EDNRA: variants seen among roughly 807,000 people sequenced by gnomAD.
EDNRA encodes endothelin receptor type A, also known as endothelin-1 receptor.
In EDNRA, 11 loss-of-function variants were observed where a neutral mutation model predicts 41.4. The observed-to-expected ratio is 0.27, with a 90% CI of 0.17 to 0.44. The LOEUF (loss-of-function observed/expected upper bound fraction) is 0.44, where lower values mean the gene tolerates loss of function less well. Among genes scored for constraint, EDNRA ranks in the 20% least tolerant of loss-of-function variants. The pLI, the probability that EDNRA is intolerant of heterozygous loss-of-function variation, is 1.00. For synonymous variants in EDNRA, 172 were observed against 183.0 expected, an observed-to-expected ratio of 0.94 and a Z score of 0.49; for missense variants, 294 against 531.0, an observed-to-expected ratio of 0.55 and a Z score of 4.39.
At chr4:147,520,453 T>C (rs764597964) in intron 3 of EDNRA, 4 of 518,844 alleles carry the variant, frequency 7.7e-6, no homozygotes, top group Non-Finnish European at 1.5e-5. Flanking sequence ...TTAAAAAGAG[T>C]GCAACACCAG....
chr4:147,483,317 T>C (rs1467118331), intron 1 of EDNRA, among the ~76,000 whole-genome samples: 2 of 152,242 alleles, frequency 1.3e-5, no homozygotes, highest in Admixed American at 1.3e-4. Context: ...AGCAAAATTA[T>C]GTGTCCTGCC....
chr4:147,497,665 A>G (rs1207257570), intron 2 of EDNRA, among the ~76,000 whole-genome samples: 14 of 151,686 alleles, frequency 9.2e-5, no homozygotes, highest in Non-Finnish European at 1.8e-4. Context: ...TCCGCCTCCC[A>G]GGTTCACACC....
chr4:147,527,279 CA>C (rs1261815177), intron 3 of EDNRA, among the ~76,000 whole-genome samples: 1 of 151,956 alleles, frequency 6.6e-6, no homozygotes, highest in Admixed American at 6.6e-5. Context: ...ATTATGTGTA[CA>C]AACAAGCTTA....
intron 3 of EDNRA, among the ~76,000 whole-genome samples, chr4:147,523,461 G>GTTTT (rs796601293): frequency 2.3e-5 from 3 of 131,020 alleles, no homozygotes; most frequent in African/African-American, 1.0e-4. Flanking sequence ...TTGGGTGTTT[G>GTTTT]TTTTTTTTTG....
At chr4:147,518,895 A>G (rs1730213755) in intron 2 of EDNRA, among the ~76,000 whole-genome samples, 1 of 152,186 alleles carries the variant, frequency 6.6e-6, no homozygotes, top group South Asian at 2.1e-4. Context: ...TTCAGCAGGA[A>G]CTTCCTTCCC....
At chr4:147,491,297 T>C (rs1373561747) in intron 2 of EDNRA, 1 of 152,198 alleles carries the variant, frequency 6.6e-6, no homozygotes, top group Non-Finnish European at 1.5e-5. Context: ...TAGAGCCAGT[T>C]ATCTCCATGT....
At chr4:147,487,383 A>C (rs1728983482) in intron 2 of EDNRA, among the ~76,000 whole-genome samples, 1 of 152,196 alleles carries the variant, frequency 6.6e-6, no homozygotes, top group African/African-American at 2.4e-5. Context: ...GATATACTAA[A>C]ATTCAAATGA....
chr4:147,512,868 C>T (rs1729973644), intron 2 of EDNRA, among the ~76,000 whole-genome samples: 1 of 152,172 alleles, frequency 6.6e-6, no homozygotes, highest in South Asian at 2.1e-4. Context: ...CACCACCCTG[C>T]ACCTGGTGAC....
At chr4:147,520,613 T>C (rs760206184) in intron 3 of EDNRA, among the ~76,000 whole-genome samples, 4 of 152,270 alleles carry the variant, frequency 2.6e-5, no homozygotes, top group African/African-American at 7.2e-5. Context: ...CTGGTTTTCA[T>C]AGCAGCAATT....
chr4:147,540,519 A>G lies in EDNRA; in HGVS notation c.1143+34A>G, dbSNP rs200453250. 3.1e-5 allele frequency: 46 copies of G among 1,470,020 alleles called. 1 individual carries two copies. The highest frequency in any genetic ancestry group is 1.8e-4 in the Middle Eastern group (1 of 5,518). 91.1% of individuals were successfully genotyped at this position (1,470,020 alleles called of 1,614,324 possible). On this transcript the variant is annotated intron_variant, in intron 7 of 7. Transcript: ENST00000651419. The stretch of plus-strand genomic sequence containing the variant: ...ATTTTTCAAGTATTTTTTAAAGACA[A>G]CAAAATGAGTATATTAAACAGTCAA...
chr4:147,508,436 G>T (rs1204847075), intron 2 of EDNRA, among the ~76,000 whole-genome samples: 1 of 152,174 alleles, frequency 6.6e-6, no homozygotes, highest in Non-Finnish European at 1.5e-5. Flanking sequence ...ACCATGCCCA[G>T]CCTGAAGAGC....
chr4:147,506,607 A>G, intron 2 of EDNRA: 1 of 301,078 alleles, frequency 3.3e-6, no homozygotes, highest in South Asian at 4.1e-5. Context: ...AAATATCAAT[A>G]TTATCATCTT....
chr4:147,493,186 T>C (rs1729196191), intron 2 of EDNRA: 1 of 152,138 alleles, frequency 6.6e-6, no homozygotes, highest in Non-Finnish European at 1.5e-5. Context: ...TGCTATATTC[T>C]AAATTTAACA....
At position 147,526,778 on chromosome 4, in the gene EDNRA, T is replaced by C. The variant is rs549162602; in HGVS notation, c.549-5728T>C. Among the ~76,000 whole-genome samples the C allele has an allele frequency of 2.0e-5, 3 of 152,198 alleles. No homozygotes were observed. In the South Asian group the frequency reaches 6.2e-4, roughly 32 times the overall value. The stretch of plus-strand genomic sequence containing the variant: ...TGGGCAACATAGCGAGATCCTTGTC[T>C]CTACAAAAAATATTTTTAAAAATTA... On this transcript the variant is annotated intron_variant, in intron 3 of 7. Coordinates refer to ENST00000651419, the MANE Select transcript of EDNRA (RefSeq NM_001957.4).
At chr4:147,501,413 T>C (rs962591911) in intron 2 of EDNRA, among the ~76,000 whole-genome samples, 3 of 152,204 alleles carry the variant, frequency 2.0e-5, no homozygotes, top group African/African-American at 7.2e-5. Flanking sequence ...TTTCATGTTT[T>C]GAATAGGGAA....
At chr4:147,541,154 G>A (rs570572407) in intron 7 of EDNRA, among the ~76,000 whole-genome samples, 3 of 149,200 alleles carry the variant, frequency 2.0e-5, no homozygotes, top group African/African-American at 7.4e-5. Flanking sequence ...TTCAAGGAAA[G>A]TAAATGCTTA....
intron 2 of EDNRA, chr4:147,491,316 C>G (rs546516242): frequency 6.6e-6 from 1 of 152,284 alleles, no homozygotes; most frequent in South Asian, 2.1e-4. Flanking sequence ...GTTCACACAG[C>G]CTTTGACATC....
intron 2 of EDNRA, among the ~76,000 whole-genome samples, chr4:147,487,071 CA>C (rs932651542): frequency 2.0e-5 from 3 of 152,170 alleles, no homozygotes; most frequent in African/African-American, 7.2e-5. Flanking sequence ...ATGGCAAGAG[CA>C]GGAGCAAGAG....
At chr4:147,494,934 T>C (rs761913546) in intron 2 of EDNRA, 2 of 152,220 alleles carry the variant, frequency 1.3e-5, no homozygotes, top group Non-Finnish European at 2.9e-5. Context: ...GGTGGGAGGA[T>C]AGCTTGAGCC....
Sources: allele counts gnomAD v4.1 joint callset (sites outside exome capture counted in the v4.1 genomes callset), GRCh38; gene constraint gnomAD v4.1.1; transcripts MANE v1.5; gene names NCBI Gene and HGNC (gene_info 2026-07-23, HGNC 2026-07-21).